The following OAS2 variants were observed in gnomAD, a reference collection of about 807,000 sequenced individuals.
The protein encoded by OAS2 is 2'-5'-oligoadenylate synthase 2.
In OAS2, 67 loss-of-function variants were observed where a neutral mutation model predicts 71.3. That is an observed-to-expected ratio of 0.94 (90% confidence interval 0.77 to 1.15). The LOEUF (loss-of-function observed/expected upper bound fraction) is 1.15. OAS2 is among the 50% of genes most tolerant of loss of function. The probability of loss-of-function intolerance (pLI) is 0.00; values close to 1 mark genes in which losing one functional copy is unlikely to be tolerated. For missense variants in OAS2, 789 were observed against 822.5 expected (o/e 0.96, Z 0.50); for synonymous variants, 327 against 321.8 (o/e 1.02, Z -0.17).
chr12:113,005,073 A>T lies in OAS2; in HGVS notation c.1319A>T (p.Lys440Ile). Residue 440 changes from lysine (K) to isoleucine (I), a missense_variant, in exon 7 of 10, where the codon AAA (lysine) becomes ATA (isoleucine). Physicochemically the swap from Lys to Ile is moderately radical, Grantham distance 102. Coordinates refer to ENST00000392583, the MANE Select transcript of OAS2 (RefSeq NM_002535.3). The part of the protein sequence containing the change: ...KIVKEIHEQL[K>I]AFWREKEEEL... ...GTCAAGGAAATCCATGAACAGCTGA[A>T]AGCCTTTTGGAGGGAGAAGGAGGAG... 1.2e-6 allele frequency: 2 copies of T among 1,614,168 alleles called. No individual in the cohort carries two copies. Among genetic ancestry groups the T allele is most frequent in the Admixed American group, 3.3e-5 (2 of 60,022 alleles).
intron 1 of OAS2, among the ~76,000 whole-genome samples, chr12:112,986,237 G>A (rs1019911878): frequency 6.6e-6 from 1 of 152,212 alleles, no homozygotes; most frequent in Non-Finnish European, 1.5e-5. Flanking sequence ...AGTATGCCAG[G>A]CATGCTGGTC....
rs116723576 is a variant in OAS2, at chr12:113,006,492, G to A, written c.1548G>A (p.Pro516=). The part of the protein sequence containing the change: ...LIDLYKSSDL[P]GGEFSTCFTV... The stretch of plus-strand genomic sequence containing the variant: ...ATCTGTATAAATCCTCGGACCTCCC[G>A]GGAGGAGAGTTTTCTACCTGTTTCA... Residue 516 remains proline (P), a synonymous_variant, in exon 8 of 10, where the codon CCG becomes CCA. Coordinates refer to ENST00000392583, the MANE Select transcript of OAS2 (RefSeq NM_002535.3). 1.4e-4 allele frequency: 224 copies of A among 1,613,536 alleles called. 1 individual carries two copies. In the African/African-American group the frequency reaches 2.7e-3, roughly 19 times the overall value.
Position 113,007,932 on chromosome 12 carries a change from G to T in OAS2, c.1884G>T (p.Leu628Phe). The change falls in exon 9 of 10, where the codon TTG (leucine) becomes TTT (phenylalanine). Residue 628 changes from leucine to phenylalanine, a missense_variant. Physicochemically the swap from Leu to Phe is conservative, Grantham distance 22. Transcript: ENST00000392583. ...TGAGGAAGTTTCTACTGAGCCAGTT[G>T]CAGAAAACCAGGTGCCTTCACCCTA... The part of the protein sequence containing the change: ...ETVRKFLLSQ[L>F]QKTRPVILDP... The T allele has an allele frequency of 6.2e-7, 1 of 1,613,378 alleles. No individual in the cohort carries two copies. Among genetic ancestry groups the T allele is most frequent in the Non-Finnish European group, 8.5e-7 (1 of 1,179,286 alleles).
chr12:112,983,062 C>CT (rs1332068146), intron 1 of OAS2, among the ~76,000 whole-genome samples: 3 of 151,990 alleles, frequency 2.0e-5, no homozygotes, highest in Admixed American at 2.0e-4. Context: ...TGGGTCTTCT[C>CT]TTTTTTTAGT....
In OAS2 at chr12:113,005,036, C is replaced by T. The variant is rs567117003; in HGVS notation, c.1282C>T (p.Arg428Trp). The part of the protein sequence containing the change: ...LKSYTSQKNE[R>W]HKIVKEIHEQ... ...AAGCTACACCTCCCAAAAAAACGAG[C>T]GGCACAAAATCGTCAAGGAAATCCA... The change falls in exon 7 of 10, where the codon CGG (arginine) becomes TGG (tryptophan). Residue 428 changes from arginine to tryptophan, a missense_variant. By Grantham distance (101) the Arg-to-Trp change is moderately radical (BLOSUM62 -3). Coordinates refer to ENST00000392583, the MANE Select transcript of OAS2 (RefSeq NM_002535.3). The T allele has an allele frequency of 2.2e-5, 36 of 1,614,130 alleles. No individual in the cohort carries two copies. In the South Asian group the frequency reaches 3.1e-4, roughly 14 times the overall value.
At chr12:112,984,490 A>G (rs571702644) in intron 1 of OAS2, among the ~76,000 whole-genome samples, 2 of 152,320 alleles carry the variant, frequency 1.3e-5, no homozygotes, top group South Asian at 2.1e-4. Flanking sequence ...TGGAGGCAGC[A>G]TATAGTTGGA....
intron 3 of OAS2, among the ~76,000 whole-genome samples, chr12:112,997,266 C>T (rs1404301987): frequency 2.0e-5 from 3 of 152,084 alleles, no homozygotes; most frequent in Non-Finnish European, 4.4e-5. Flanking sequence ...CTCGAAAGAA[C>T]TCCAGATTTT....
In OAS2 at chr12:113,010,216, A is replaced by G; in HGVS notation, c.*961A>G. ...CCAAGCCAACCGTGGGGTTAGCTCT[A>G]ATTATTAAGATATGCATTATAAATA... On this transcript the variant is annotated 3_prime_UTR_variant, in exon 10 of 10. Coordinates refer to ENST00000392583, the MANE Select transcript of OAS2 (RefSeq NM_002535.3). 2.8e-6 allele frequency: 4 copies of G among 1,425,412 alleles called. No individual in the cohort carries two copies. The highest frequency in any genetic ancestry group is 3.7e-6 in the Non-Finnish European group (4 of 1,094,624). The allele number at this position is 1,425,412 out of a possible 1,614,324, so 88.3% of individuals were successfully genotyped here.
intron 7 of OAS2, 128 bp downstream of exon 7, chr12:113,005,350 AGTC>A: frequency 1.2e-6 from 1 of 850,672 alleles, no homozygotes; most frequent in South Asian, 1.7e-5. Context: ...AAGTGGCATT[AGTC>A]ATGGCAGTAA....
intron 7 of OAS2, among the ~76,000 whole-genome samples, chr12:113,005,877 G>C (rs1367598277): frequency 1.8e-5 from 2 of 111,048 alleles, no homozygotes; most frequent in East Asian, 5.8e-4. Context: ...GGGCAACAGA[G>C]CAAAACTCTG....
chr12:112,978,576 ATTCACTGTC>A lies in OAS2; in HGVS notation c.-30_-22del, dbSNP rs1159248556. On this transcript the variant is annotated 5_prime_UTR_variant, in exon 1 of 10. Coordinates refer to ENST00000392583, the MANE Select transcript of OAS2 (RefSeq NM_002535.3). The surrounding 1 kb of genome is among the most constrained non-coding windows in gnomAD (Gnocchi z 4.2). ...GAATTCCTCTGCCTCCCATCCTACC[ATTCACTGTC>A]TTGCCGGCAGCCAGCTGAGAGCAAT... 1 of 1,612,050 alleles carries A rather than the reference ATTCACTGTC, an allele frequency of 6.2e-7. No individual in the cohort carries two copies. The highest frequency in any genetic ancestry group is 1.7e-5 in the Admixed American group (1 of 59,822).
chr12:112,995,458 A>G lies in OAS2; in HGVS notation c.611A>G (p.Lys204Arg), dbSNP rs953633829. The G allele has an allele frequency of 6.2e-7, 1 of 1,613,574 alleles. No individual in the cohort carries two copies. The highest frequency in any genetic ancestry group is 1.1e-5 in the South Asian group (1 of 90,916). ...GKLKDLILLI[K>R]HWHQQCQKKI... The stretch of plus-strand genomic sequence containing the variant: ...CTAAAGGATTTGATCCTCTTGATAA[A>G]GCACTGGCATCAACAGGTAATTTTC... Residue 204 changes from lysine (K) to arginine (R), a missense_variant, in exon 3 of 10, where the codon AAG (lysine) becomes AGG (arginine). Transcript: ENST00000392583.
rs774888937 is a variant in OAS2, at chr12:112,995,275, C to A, written c.449-21C>A. On this transcript the variant is annotated intron_variant, in intron 2 of 9. Transcript: ENST00000392583. ...ACCAGGTTACATAAATAACAACGTTCCAATTTCTGTTTCACATCAGGCTTA... is the reference window on the plus strand; with the variant it reads ...ACCAGGTTACATAAATAACAACGTTACAATTTCTGTTTCACATCAGGCTTA... The A allele has an allele frequency of 3.1e-6, 5 of 1,588,772 alleles. No homozygotes were observed. The Admixed American group carries it at 7.3e-5, about 23-fold the overall frequency.
intron 2 of OAS2, among the ~76,000 whole-genome samples, chr12:112,993,090 C>T (rs114019788): frequency 0.017 from 2,517 of 150,818 alleles, 76 homozygotes; most frequent in African/African-American, 0.057. Context: ...CACAGGGTCA[C>T]TTTCTGAGAA....
At chr12:113,002,637 T>C (rs192781281) in intron 5 of OAS2, among the ~76,000 whole-genome samples, 1 of 151,868 alleles carries the variant, frequency 6.6e-6, no homozygotes, top group Non-Finnish European at 1.5e-5. Context: ...GAAAAGGAGT[T>C]TGGAGTTAGG....
intron 1 of OAS2, among the ~76,000 whole-genome samples, chr12:112,982,878 C>G (rs968981879): frequency 1.3e-5 from 2 of 152,146 alleles, no homozygotes; most frequent in Non-Finnish European, 2.9e-5. Context: ...TTCAGGTTTT[C>G]TGTTTCTTCC....
At chr12:113,002,859 T>C in intron 5 of OAS2, 73 bp from the exon 6 acceptor site, 4 of 1,424,970 alleles carry the variant, frequency 2.8e-6, no homozygotes, top group Non-Finnish European at 3.9e-6. Context: ...GGGGGCCCAG[T>C]ACAGGCAGGA....
chr12:112,988,509 G>C (rs1002795727), intron 2 of OAS2: 28 of 647,610 alleles, frequency 4.3e-5, no homozygotes, highest in Non-Finnish European at 5.0e-5. Context: ...ATTGGCACAA[G>C]AGTAGGTTGC....
In OAS2 at chr12:113,007,736, TG is replaced by T; in HGVS notation, c.1689del (p.Leu563PhefsTer58). On this transcript the variant is annotated frameshift_variant, in exon 9 of 10. Coordinates refer to ENST00000392583, the MANE Select transcript of OAS2 (RefSeq NM_002535.3). LOFTEE classifies it high-confidence loss of function. ...CERKLKPKGS[L>X]PPKYALELLT... ...AGGAAACTGAAGCCAAAGGGGTCTTTGCCCCCAAAGTATGCCTTGGAGCTGC... is the reference window on the plus strand; with the variant it reads ...AGGAAACTGAAGCCAAAGGGGTCTTTCCCCCAAAGTATGCCTTGGAGCTGC... 1 of 1,614,114 alleles carries T rather than the reference TG, an allele frequency of 6.2e-7. No individual in the cohort carries two copies. The highest frequency in any genetic ancestry group is 2.2e-5 in the East Asian group (1 of 44,876).
Sources: allele counts gnomAD v4.1 joint callset (sites outside exome capture counted in the v4.1 genomes callset), GRCh38; gene constraint gnomAD v4.1.1; non-coding constraint Gnocchi (gnomAD v3.1); transcripts MANE v1.5; gene names NCBI Gene and HGNC (gene_info 2026-07-23, HGNC 2026-07-21).